The following AGBL1 variants were observed in gnomAD, a reference collection of about 807,000 sequenced individuals.
AGBL1 encodes cytosolic carboxypeptidase 4.
A neutral mutation model predicts 118.9 loss-of-function variants in AGBL1; 130 were observed. The ratio of observed to expected loss-of-function variants is 1.09; its 90% CI spans 0.95 to 1.26. The LOEUF is 1.26. Ranked by LOEUF, AGBL1 falls within the 50% of genes most tolerant of loss-of-function variation. AGBL1 has a pLI of 0.00. For missense variants in AGBL1, 1,584 were observed against 1,298.1 expected (o/e 1.22, Z -3.38); for synonymous variants, 555 against 478.9 (o/e 1.16, Z -2.08).
intron 1 of AGBL1, among the ~76,000 whole-genome samples, chr15:86,141,209 G>A (rs781679658): frequency 6.6e-6 from 1 of 152,202 alleles, no homozygotes; most frequent in Non-Finnish European, 1.5e-5. Flanking sequence ...AGAGTATCAA[G>A]CATTGCAGAG....
At position 86,613,272 on chromosome 15, in the gene AGBL1, C is replaced by T. The variant is rs201288256; in HGVS notation, c.2994+58735C>T. 1.3e-5 allele frequency among the ~76,000 whole-genome samples: 2 copies of T among 152,090 alleles called. No individual in the cohort carries two copies. The highest frequency in any genetic ancestry group is 4.8e-5 in the African/African-American group (2 of 41,422). Reference sequence around the variant, plus strand: ...TTTGTTGGTTTTGGAACGTAAGATCCCAAACCATTGGAGAACTGCAGCATG... The same window carrying T: ...TTTGTTGGTTTTGGAACGTAAGATCTCAAACCATTGGAGAACTGCAGCATG... On this transcript the variant is annotated intron_variant, in intron 21 of 22. Transcript: ENST00000614907. The surrounding 1 kb of genome is among the most constrained non-coding windows in gnomAD (Gnocchi z 4.2).
At chr15:86,738,232 C>G (rs2077628768) in intron 22 of AGBL1, among the ~76,000 whole-genome samples, 1 of 152,164 alleles carries the variant, frequency 6.6e-6, no homozygotes, top group Non-Finnish European at 1.5e-5. Flanking sequence ...TATACCTCAA[C>G]TTAATAAAGG....
chr15:86,264,132 G>A, intron 10 of AGBL1, 126 bp from the exon 11 acceptor site: 1 of 813,712 alleles, frequency 1.2e-6, no homozygotes, highest in Non-Finnish European at 1.9e-6. Flanking sequence ...GTTGACCTTG[G>A]AAAAAGCTTC....
intron 18 of AGBL1, among the ~76,000 whole-genome samples, chr15:86,416,905 C>A (rs7359175): frequency 0.1 from 15,386 of 152,172 alleles, 1,143 homozygotes; most frequent in African/African-American, 0.2. Context: ...AGTCAAAAGA[C>A]AATGGACTCT....
chr15:86,212,631 A>C lies in AGBL1; in HGVS notation c.489-12283A>C, dbSNP rs572551855. ...TGGTACTAAATCCCATCCTTTAAAGAAGTGGGATTGACAGTTATTTTTATT... is the reference window on the plus strand; with the variant it reads ...TGGTACTAAATCCCATCCTTTAAAGCAGTGGGATTGACAGTTATTTTTATT... On this transcript the variant is annotated intron_variant, in intron 5 of 22. Transcript: ENST00000614907. Among the ~76,000 whole-genome samples the C allele has an allele frequency of 3.9e-5, 6 of 152,266 alleles. No individual in the cohort carries two copies. In the East Asian group the frequency reaches 1.2e-3, roughly 29 times the overall value.
intron 22 of AGBL1, among the ~76,000 whole-genome samples, chr15:86,681,928 T>A (rs1225582973): frequency 6.6e-6 from 1 of 152,130 alleles, no homozygotes; most frequent in African/African-American, 2.4e-5. Context: ...GAGACAATGG[T>A]TTCCATAAAG....
downstream of AGBL1, among the ~76,000 whole-genome samples, chr15:87,029,743 A>C (rs1404686900): frequency 6.6e-6 from 1 of 152,078 alleles, no homozygotes; most frequent in East Asian, 1.9e-4. Context: ...TTTTCCTTCA[A>C]ATATCTGATT....
intron 21 of AGBL1, among the ~76,000 whole-genome samples, chr15:86,569,124 A>C (rs1219802801): frequency 6.6e-6 from 1 of 152,086 alleles, no homozygotes; most frequent in African/African-American, 2.4e-5. Flanking sequence ...TATTTCTTTG[A>C]AAATACAAAT....
intron 22 of AGBL1, among the ~76,000 whole-genome samples, chr15:86,710,532 T>A (rs1417747857): frequency 6.6e-6 from 1 of 152,158 alleles, no homozygotes; most frequent in East Asian, 1.9e-4. Context: ...GCAGCGTAGA[T>A]TTGTGAAAAT....
intron 18 of AGBL1, among the ~76,000 whole-genome samples, chr15:86,471,807 TG>T (rs2082483074): frequency 6.6e-6 from 1 of 152,194 alleles, no homozygotes; most frequent in Non-Finnish European, 1.5e-5. Context: ...GTAGGTCGAA[TG>T]GTGACCTCCA....
rs377446924 is a variant in AGBL1, at chr15:86,632,893, C to T, written c.2995-41380C>T. ...TTCTTGTCATTATGGATAATTTTTG[C>T]TTCAAACTAACCATACTTGATTCAC... On this transcript the variant is annotated intron_variant, in intron 21 of 22. Coordinates refer to ENST00000614907, the MANE Select transcript of AGBL1 (RefSeq NM_001386094.1). Among the ~76,000 whole-genome samples, 348 of 152,192 alleles carry T rather than the reference C, an allele frequency of 2.3e-3. 3 individuals are homozygous for T. The highest frequency in any genetic ancestry group is 8.1e-3 in the African/African-American group (336 of 41,552).
At chr15:86,117,772 A>T (rs1358684532) in intron 1 of AGBL1, among the ~76,000 whole-genome samples, 2 of 152,184 alleles carry the variant, frequency 1.3e-5, no homozygotes, top group Non-Finnish European at 2.9e-5. Context: ...AACAACAACA[A>T]CTAAGCTTAA....
At chr15:86,373,222 C>G (rs1022562953) in intron 17 of AGBL1, among the ~76,000 whole-genome samples, 5 of 152,178 alleles carry the variant, frequency 3.3e-5, no homozygotes, top group Admixed American at 1.3e-4. Flanking sequence ...TTGAAATTCT[C>G]TAGTCTGACT....
intron 1 of AGBL1, among the ~76,000 whole-genome samples, chr15:86,140,822 C>T (rs138633649): frequency 6.6e-6 from 1 of 152,100 alleles, no homozygotes; most frequent in Non-Finnish European, 1.5e-5. Context: ...CAGGAAACTC[C>T]AAGGGGTTCC....
chr15:86,399,690 T>C (rs1424929320), intron 18 of AGBL1, among the ~76,000 whole-genome samples: 4 of 152,178 alleles, frequency 2.6e-5, no homozygotes, highest in Non-Finnish European at 5.9e-5. Flanking sequence ...ATCCAGATCT[T>C]TGGTTTAAAG....
At chr15:87,017,609 C>G (rs1424302047) in intron 24 of AGBL1, among the ~76,000 whole-genome samples, 1 of 152,068 alleles carries the variant, frequency 6.6e-6, no homozygotes, top group African/African-American at 2.4e-5. Context: ...AAAACAACAT[C>G]AGCAAAAAGA....
intron 16 of AGBL1, among the ~76,000 whole-genome samples, chr15:86,284,282 T>C (rs975418858): frequency 5.9e-5 from 9 of 152,078 alleles, no homozygotes; most frequent in Non-Finnish European, 5.9e-5. Context: ...ATTATTTTTT[T>C]CTTACTCTTT....
At position 86,658,354 on chromosome 15, in the gene AGBL1, T is replaced by C. The variant is rs572481110; in HGVS notation, c.2995-15919T>C. 4.3e-4 allele frequency among the ~76,000 whole-genome samples: 66 copies of C among 152,322 alleles called. 1 individual carries two copies. Among genetic ancestry groups the C allele is most frequent in the Admixed American group, 1.6e-3 (24 of 15,298 alleles). On this transcript the variant is annotated intron_variant, in intron 21 of 22. Coordinates refer to ENST00000614907, the MANE Select transcript of AGBL1 (RefSeq NM_001386094.1). Reference sequence around the variant, plus strand: ...TCTGACACTTGGAAAGAACTTACTATATATTTTTGCAAAAATGAATGAATA... The same window carrying C: ...TCTGACACTTGGAAAGAACTTACTACATATTTTTGCAAAAATGAATGAATA...
At chr15:86,933,755 A>C (rs941119039) in intron 23 of AGBL1, among the ~76,000 whole-genome samples, 30 of 152,240 alleles carry the variant, frequency 2.0e-4, no homozygotes, top group Middle Eastern at 3.4e-3. Flanking sequence ...GCTCTATTCT[A>C]ACCACTAAGT....
Sources: allele counts gnomAD v4.1 joint callset (sites outside exome capture counted in the v4.1 genomes callset), GRCh38; gene constraint gnomAD v4.1.1; non-coding constraint Gnocchi (gnomAD v3.1); transcripts MANE v1.5; gene names NCBI Gene and HGNC (gene_info 2026-07-23, HGNC 2026-07-21).